DMD: variants seen among roughly 807,000 people sequenced by gnomAD.
DMD encodes the protein dystrophin.
In DMD, 63 loss-of-function variants were observed where a neutral mutation model predicts 330.1. The ratio of observed to expected loss-of-function variants is 0.19; its 90% CI spans 0.16 to 0.24. The LOEUF is 0.24. DMD is among the 10% of genes least tolerant of loss of function. The pLI, the probability that DMD is intolerant of heterozygous loss-of-function variation, is 1.00. For missense variants in DMD, 3,344 were observed against 2,684.1 expected (o/e 1.25, Z -5.43); for synonymous variants, 1,223 against 959.8 (o/e 1.27, Z -5.07).
At chrX:32,486,830 C>A (rs1188331051) in intron 20 of DMD, among the ~76,000 whole-genome samples, 1 of 106,017 alleles carries the variant, frequency 9.4e-6, no homozygotes, top group African/African-American at 3.4e-5. Context: ...CCCTTCCTTA[C>A]AACTTATACA....
intron 7 of DMD, among the ~76,000 whole-genome samples, chrX:32,798,408 T>C (rs1163535129): frequency 1.8e-5 from 2 of 112,143 alleles, no homozygotes; most frequent in Non-Finnish European, 3.8e-5. Flanking sequence ...TCATGCCTCT[T>C]CTAACTTTTA....
At chrX:33,015,835 G>A (rs932859183) in intron 2 of DMD, among the ~76,000 whole-genome samples, 1 of 111,205 alleles carries the variant, frequency 9.0e-6, no homozygotes, top group Non-Finnish European at 1.9e-5. Context: ...GGTGAGTCCT[G>A]GATTTTTAAT....
At chrX:32,750,940 GCTCT>G (rs763670094) in intron 7 of DMD, among the ~76,000 whole-genome samples, 37 of 111,706 alleles carry the variant, frequency 3.3e-4, no homozygotes, top group African/African-American at 1.2e-3. Context: ...CCCCACACAA[GCTCT>G]CTGTCTGCTG....
chrX:32,201,276 C>G, intron 44 of DMD, among the ~76,000 whole-genome samples: 1 of 112,044 alleles, frequency 8.9e-6, no homozygotes, highest in East Asian at 2.8e-4. Flanking sequence ...CTTTCTTTCT[C>G]TCTCTTAAAA....
At chrX:31,356,275 G>T (rs748871668) in intron 60 of DMD, among the ~76,000 whole-genome samples, 5 of 111,348 alleles carry the variant, frequency 4.5e-5, no homozygotes, top group Non-Finnish European at 9.4e-5. Context: ...ACCTTTTAAG[G>T]TTCCTGCATC....
intron 62 of DMD, among the ~76,000 whole-genome samples, chrX:31,282,436 C>A (rs2052693259): frequency 9.0e-6 from 1 of 110,716 alleles, no homozygotes; most frequent in Non-Finnish European, 1.9e-5. Context: ...ATTCTCAATG[C>A]TATAAATGAA....
intron 44 of DMD, among the ~76,000 whole-genome samples, chrX:32,004,319 T>C (rs1297806622): frequency 9.0e-6 from 1 of 111,568 alleles, no homozygotes; most frequent in African/African-American, 3.2e-5. Context: ...ATATTACAAG[T>C]TGAGAATTAG....
intron 16 of DMD, among the ~76,000 whole-genome samples, chrX:32,549,686 G>A (rs1461527647): frequency 1.8e-5 from 2 of 111,406 alleles, no homozygotes; most frequent in African/African-American, 6.5e-5. Flanking sequence ...TTCTCATTCT[G>A]AGAAAAATTG....
intron 1 of DMD, among the ~76,000 whole-genome samples, chrX:33,327,539 G>A (rs1338405304): frequency 1.8e-5 from 2 of 111,212 alleles, no homozygotes; most frequent in African/African-American, 6.5e-5. Context: ...TTAGAAAATT[G>A]TATTTATTCA....
At chrX:32,366,753 G>T (rs1443904335) in intron 34 of DMD, among the ~76,000 whole-genome samples, 1 of 111,732 alleles carries the variant, frequency 8.9e-6, no homozygotes, top group Admixed American at 9.5e-5. Context: ...TTTCTGTTTT[G>T]GTTTTGCCTT....
chrX:32,952,246 G>A (rs1444507375), intron 2 of DMD, among the ~76,000 whole-genome samples: 4 of 109,698 alleles, frequency 3.6e-5, no homozygotes, highest in Admixed American at 2.9e-4. Flanking sequence ...CGATTCTCCC[G>A]CCTCAGCTCC....
At chrX:31,949,955 T>G (rs1265371902) in intron 45 of DMD, among the ~76,000 whole-genome samples, 1 of 110,178 alleles carries the variant, frequency 9.1e-6, no homozygotes, top group African/African-American at 3.3e-5. Context: ...GATTAATGTA[T>G]GGTTTCATTG....
intron 60 of DMD, among the ~76,000 whole-genome samples, chrX:31,352,790 G>T (rs764121933): frequency 8.9e-5 from 10 of 112,225 alleles, no homozygotes; most frequent in Non-Finnish European, 1.5e-4. Context: ...ACAAATTTAT[G>T]AATGAGAAAA....
intron 59 of DMD, among the ~76,000 whole-genome samples, chrX:31,461,285 A>G (rs1277828583): frequency 8.9e-6 from 1 of 112,211 alleles, no homozygotes; most frequent in Admixed American, 9.5e-5. Flanking sequence ...TTTACTATGG[A>G]ATATTGGTTC....
intron 2 of DMD, among the ~76,000 whole-genome samples, chrX:32,911,670 T>C (rs1213987345): frequency 2.7e-5 from 3 of 111,741 alleles, no homozygotes; most frequent in Non-Finnish European, 5.6e-5. Context: ...AACAATTTTA[T>C]ACTCAACAGA....
At position 32,828,576 on chromosome X, in the gene DMD, T is replaced by TATAC. The variant is rs201446746; in HGVS notation, c.265-5190_265-5189insGTAT. 8.8e-3 allele frequency among the ~76,000 whole-genome samples: 893 copies of TATAC among 101,633 alleles called. 11 individuals carry two copies. The highest frequency in any genetic ancestry group is 0.034 in the African/African-American group (845 of 24,872). 88.3% of individuals were successfully genotyped at this position (101,633 alleles called of 115,157 possible). On this transcript the variant is annotated intron_variant, in intron 4 of 78. Coordinates refer to ENST00000357033, the MANE Select transcript of DMD (RefSeq NM_004006.3). ...ATGTGTATCTACACATATACACATA[T>TATAC]ATATCTATACATCTATACACATATA... is the stretch of plus-strand genomic sequence containing the variant.
intron 48 of DMD, among the ~76,000 whole-genome samples, chrX:31,839,013 T>C (rs745898977): frequency 1.1e-3 from 127 of 112,027 alleles, no homozygotes; most frequent in African/African-American, 4.0e-3. Flanking sequence ...TGTTTGATAT[T>C]ATCACATATG....
chrX:31,589,840 T>A (rs1238356711), intron 55 of DMD, among the ~76,000 whole-genome samples: 1 of 111,595 alleles, frequency 9.0e-6, no homozygotes, highest in Non-Finnish European at 1.9e-5. Flanking sequence ...CTAAAAGGCC[T>A]GACGTGACCA....
At chrX:32,803,968 GT>G (rs966552455) in intron 7 of DMD, among the ~76,000 whole-genome samples, 3 of 111,915 alleles carry the variant, frequency 2.7e-5, no homozygotes, top group African/African-American at 9.8e-5. Flanking sequence ...TGTCTATTAG[GT>G]CTGCTTGGTC....
Sources: allele counts gnomAD v4.1 joint callset (sites outside exome capture counted in the v4.1 genomes callset), GRCh38; gene constraint gnomAD v4.1.1; transcripts MANE v1.5; gene names NCBI Gene and HGNC (gene_info 2026-07-23, HGNC 2026-07-21).